Variants in GFRAL observed in about 807,000 individuals in gnomAD.
GFRAL encodes the protein GDNF family receptor alpha-like.
In GFRAL, 36 loss-of-function variants were observed where a neutral mutation model predicts 45.4. That is an observed-to-expected ratio of 0.79 (90% CI 0.61 to 1.05). The LOEUF (loss-of-function observed/expected upper bound fraction) is 1.05, where lower values mean the gene tolerates loss of function less well. Among genes scored for constraint, GFRAL ranks in the 50% least tolerant of loss-of-function variants. GFRAL has a pLI of 0.00. For missense variants in GFRAL, 507 were observed against 467.5 expected (o/e 1.08, Z -0.78); for synonymous variants, 166 against 154.1 (o/e 1.08, Z -0.57).
At chr6:55,393,389 T>C (rs994866548) in intron 6 of GFRAL, among the ~76,000 whole-genome samples, 3 of 152,216 alleles carry the variant, frequency 2.0e-5, no homozygotes, top group Non-Finnish European at 4.4e-5. Flanking sequence ...CAGTGTTTTA[T>C]GGAACATAAT....
In GFRAL at chr6:55,331,146, C is replaced by T. The variant is rs939836610; in HGVS notation, c.23-569C>T. On this transcript the variant is annotated intron_variant, in intron 1 of 8. Coordinates refer to ENST00000340465, the MANE Select transcript of GFRAL (RefSeq NM_207410.2). ...ATCAGACTAACATTTTAGTTCAAACCATAAGAGTACATGGAATTTTCTGCA... is the reference window on the plus strand; with the variant it reads ...ATCAGACTAACATTTTAGTTCAAACTATAAGAGTACATGGAATTTTCTGCA... 5.3e-5 allele frequency among the ~76,000 whole-genome samples: 8 copies of T among 152,040 alleles called. No individual in the cohort carries two copies. In the East Asian group the frequency reaches 1.4e-3, roughly 26 times the overall value.
Position 55,401,891 on chromosome 6 carries a change from T to C in GFRAL, c.*38T>C. On this transcript the variant is annotated 3_prime_UTR_variant, in exon 9 of 9. Coordinates refer to ENST00000340465, the MANE Select transcript of GFRAL (RefSeq NM_207410.2). ...CATGGACCTATAACAATCACTCTTT[T>C]CTCTGCTTTTCTTCTTTCCTCTTTT... is the stretch of plus-strand genomic sequence containing the variant. The C allele has an allele frequency of 9.2e-7, 1 of 1,084,534 alleles. No homozygotes were observed. The highest frequency in any genetic ancestry group is 1.4e-6 in the Non-Finnish European group (1 of 702,894). 67.2% of individuals were successfully genotyped at this position (1,084,534 alleles called of 1,614,324 possible).
chr6:55,394,948 A>G (rs1476326625), intron 6 of GFRAL, among the ~76,000 whole-genome samples: 2 of 151,982 alleles, frequency 1.3e-5, no homozygotes, highest in South Asian at 2.1e-4. Flanking sequence ...AAAGGAGCCA[A>G]AAAGAAATCC....
chr6:55,383,938 A>G (rs1768646808), intron 6 of GFRAL, among the ~76,000 whole-genome samples: 2 of 152,026 alleles, frequency 1.3e-5, no homozygotes, highest in Non-Finnish European at 2.9e-5. Context: ...AATCATAAAC[A>G]TAGCATACAC....
At position 55,330,894 on chromosome 6, in the gene GFRAL, T is replaced by C. The variant is rs1004087214; in HGVS notation, c.23-821T>C. Among the ~76,000 whole-genome samples, 11 of 152,204 alleles carry C rather than the reference T, an allele frequency of 7.2e-5. 1 individual carries two copies. The highest frequency in any genetic ancestry group is 4.1e-4 in the South Asian group (2 of 4,824). On this transcript the variant is annotated intron_variant, in intron 1 of 8. Coordinates refer to ENST00000340465, the MANE Select transcript of GFRAL (RefSeq NM_207410.2). ...TCAATAAATTTAGCAAGAATGAATA[T>C]GGGAGAGTGAAGTTGAGGATGGAAA...
Position 55,339,267 on chromosome 6 carries a change from A to C in GFRAL, c.316+5323A>C, listed in dbSNP as rs144855626. 1.9e-4 allele frequency among the ~76,000 whole-genome samples: 29 copies of C among 152,240 alleles called. 1 individual carries two copies. In the East Asian group the frequency reaches 5.6e-3, roughly 29 times the overall value. ...TACAGGACTGGGGACGAAAGTGATG[A>C]GTTGTATTCTGAAAACATTTCATCT... On this transcript the variant is annotated intron_variant, in intron 3 of 8. Coordinates refer to ENST00000340465, the MANE Select transcript of GFRAL (RefSeq NM_207410.2).
rs376920814 is a variant in GFRAL, at chr6:55,376,394, C to A, written c.952+17256C>A. Among the ~76,000 whole-genome samples the A allele has an allele frequency of 4.7e-4, 71 of 152,152 alleles. No individual in the cohort carries two copies. The East Asian group carries it at 8.3e-3, about 18-fold the overall frequency. ...CTCATAGAGTAAGTTAGGGAGGAGT[C>A]TTTCCTTTTCAATTTTTTGGAATAG... On this transcript the variant is annotated intron_variant, in intron 6 of 8. Coordinates refer to ENST00000340465, the MANE Select transcript of GFRAL (RefSeq NM_207410.2).
chr6:55,360,941 G>T (rs1199887260), intron 6 of GFRAL, among the ~76,000 whole-genome samples: 1 of 151,800 alleles, frequency 6.6e-6, no homozygotes, highest in Non-Finnish European at 1.5e-5. Flanking sequence ...AAAAATACAG[G>T]TCTAAACATC....
chr6:55,335,373 T>A (rs1483024669), intron 3 of GFRAL, among the ~76,000 whole-genome samples: 5 of 152,176 alleles, frequency 3.3e-5, no homozygotes, highest in Admixed American at 6.5e-5. Flanking sequence ...AGATTTTTTT[T>A]AATCAGAATA....
intron 3 of GFRAL, among the ~76,000 whole-genome samples, chr6:55,345,393 A>G (rs1581904302): frequency 1.3e-5 from 2 of 152,168 alleles, no homozygotes; most frequent in Non-Finnish European, 2.9e-5. Context: ...AATACCACAC[A>G]TCTACAACCA....
intron 5 of GFRAL, among the ~76,000 whole-genome samples, chr6:55,357,390 A>G (rs958910103): frequency 6.6e-6 from 1 of 151,678 alleles, no homozygotes; most frequent in African/African-American, 2.4e-5. Context: ...CTTCTTGCTG[A>G]GTTGAATCTG....
intron 6 of GFRAL, among the ~76,000 whole-genome samples, chr6:55,370,756 G>A (rs980943606): frequency 6.6e-6 from 1 of 152,168 alleles, no homozygotes; most frequent in Non-Finnish European, 1.5e-5. Flanking sequence ...TAGTTACATA[G>A]GCCCTGTGCT....
intron 6 of GFRAL, among the ~76,000 whole-genome samples, chr6:55,366,291 C>A (rs190147832): frequency 6.6e-6 from 1 of 151,830 alleles, no homozygotes; most frequent in African/African-American, 2.4e-5. Flanking sequence ...GTGACATCCC[C>A]TTTATCATTT....
chr6:55,348,283 T>G (rs1768070293), intron 3 of GFRAL, among the ~76,000 whole-genome samples: 1 of 151,844 alleles, frequency 6.6e-6, no homozygotes, highest in Non-Finnish European at 1.5e-5. Flanking sequence ...AGTTTTATAT[T>G]TAATGTGTAA....
chr6:55,362,409 C>A (rs935907839), intron 6 of GFRAL, among the ~76,000 whole-genome samples: 1 of 151,962 alleles, frequency 6.6e-6, no homozygotes, highest in Non-Finnish European at 1.5e-5. Flanking sequence ...CACTGAAGAG[C>A]CCTTATCTGG....
rs1057058777 is a variant in GFRAL, at chr6:55,360,749, A to G, written c.952+1611A>G. 2.6e-5 allele frequency among the ~76,000 whole-genome samples: 4 copies of G among 151,994 alleles called. No homozygotes were observed. The South Asian group carries it at 8.3e-4, about 31-fold the overall frequency. On this transcript the variant is annotated intron_variant, in intron 6 of 8. Coordinates refer to ENST00000340465, the MANE Select transcript of GFRAL (RefSeq NM_207410.2). ...TGAAAATACTTATAATGAATGGCTC[A>G]TATGATTACAGCAGGAAAATACCAA...
chr6:55,393,377 A>G (rs1292168064), intron 6 of GFRAL, among the ~76,000 whole-genome samples: 1 of 152,184 alleles, frequency 6.6e-6, no homozygotes, highest in African/African-American at 2.4e-5. Flanking sequence ...ATTCTGTAGA[A>G]CCAGTGTTTT....
At position 55,364,946 on chromosome 6, in the gene GFRAL, T is replaced by A. The variant is rs575677337; in HGVS notation, c.952+5808T>A. Reference sequence around the variant, plus strand: ...GGCTCTTTTTTGGTTCCATATGAACTTTAAAGTAGTTTTTTCCAATTCTGT... The same window carrying A: ...GGCTCTTTTTTGGTTCCATATGAACATTAAAGTAGTTTTTTCCAATTCTGT... On this transcript the variant is annotated intron_variant, in intron 6 of 8. Transcript: ENST00000340465. Among the ~76,000 whole-genome samples, 77 of 151,712 alleles carry A rather than the reference T, an allele frequency of 5.1e-4. 1 individual carries two copies. The East Asian group carries it at 0.014, about 28-fold the overall frequency.
At chr6:55,345,806 G>A (rs141300747) in intron 3 of GFRAL, among the ~76,000 whole-genome samples, 1,989 of 152,094 alleles carry the variant, frequency 0.013, 23 homozygotes, top group Non-Finnish European at 0.022. Flanking sequence ...CTGACAAAGG[G>A]GTACTACCCA....
Sources: gnomAD v4.1 joint callset for allele counts (sites outside exome capture counted in the v4.1 genomes callset) on GRCh38, gnomAD v4.1.1 for gene constraint, MANE v1.5 for transcripts, NCBI Gene and HGNC (gene_info 2026-07-23, HGNC 2026-07-21) for gene names.